Variants in STRBP observed in about 807,000 individuals in gnomAD.
The protein encoded by STRBP is spermatid perinuclear RNA binding protein.
A neutral mutation model predicts 80.1 loss-of-function variants in STRBP; 13 were observed. The ratio of observed to expected loss-of-function variants is 0.16; its 90% CI spans 0.11 to 0.26. STRBP has a LOEUF of 0.26. Ranked by LOEUF, STRBP falls within the 10% of genes least tolerant of loss-of-function variation. STRBP has a pLI of 1.00. For synonymous variants in STRBP, 284 were observed against 291.2 expected (o/e 0.98, Z 0.25); for missense variants, 485 against 815.2 (o/e 0.59, Z 4.93).
At chr9:123,241,446 T>C (rs1294121353) in intron 1 of STRBP, among the ~76,000 whole-genome samples, 2 of 152,074 alleles carry the variant, frequency 1.3e-5, no homozygotes, top group Admixed American at 6.5e-5. Context: ...GAGCTCAAGG[T>C]TGCAGAGAGC....
At chr9:123,135,586 T>G (rs1041982296) in intron 16 of STRBP, among the ~76,000 whole-genome samples, 1 of 152,164 alleles carries the variant, frequency 6.6e-6, no homozygotes, top group Admixed American at 6.5e-5. Flanking sequence ...GCGCCAAATT[T>G]TATGCGGTCG....
chr9:123,134,549 C>T (rs1238419370), intron 16 of STRBP, among the ~76,000 whole-genome samples: 1 of 152,156 alleles, frequency 6.6e-6, no homozygotes, highest in Non-Finnish European at 1.5e-5. Flanking sequence ...GCACATTGAA[C>T]ACATGAGTTT....
At chr9:123,112,051 TCAGAGCA>T (rs374255466) in intron 3 of STRBP, 25 of 176,802 alleles carry the variant, frequency 1.4e-4, no homozygotes, top group African/African-American at 5.6e-4. Flanking sequence ...GCCAGGCTGC[TCAGAGCA>T]CAGCACACCT....
In STRBP at chr9:123,132,892, C is replaced by T; in HGVS notation, c.1850G>A (p.Arg617Lys). 1.2e-6 allele frequency: 2 copies of T among 1,614,130 alleles called. No individual in the cohort carries two copies. The highest frequency in any genetic ancestry group is 1.1e-5 in the South Asian group (1 of 91,074). The change falls in exon 17 of 19, where the codon AGG (arginine) becomes AAG (lysine). Residue 617 changes from arginine (R) to lysine (K), a missense_variant. This residue lies in a region of STRBP where 85 missense variants were observed against 120.1 expected (regional missense o/e 0.71). Transcript: ENST00000348403. Reference sequence around the variant, plus strand: ...AGCTGTCGCCCCAACAAAAGCTCCCCTTGTTAGAGTTCCTCTTCCTCTGCC... The same window carrying T: ...AGCTGTCGCCCCAACAAAAGCTCCCTTTGTTAGAGTTCCTCTTCCTCTGCC... ...VRGRGRGTLT[R>K]GAFVGATAAP...
intron 1 of STRBP, among the ~76,000 whole-genome samples, chr9:123,248,570 G>C (rs559973844): frequency 6.6e-6 from 1 of 151,852 alleles, no homozygotes; most frequent in South Asian, 2.1e-4. Context: ...GCGCCCAGCC[G>C]AATTATTTTT....
chr9:123,247,188 A>C (rs2040816917), intron 1 of STRBP, among the ~76,000 whole-genome samples: 1 of 152,200 alleles, frequency 6.6e-6, no homozygotes, highest in Admixed American at 6.5e-5. Context: ...ACTCCTCTAC[A>C]ATCCAAAAAT....
chr9:123,127,996 C>T (rs993099504), intron 18 of STRBP, among the ~76,000 whole-genome samples: 3 of 152,214 alleles, frequency 2.0e-5, no homozygotes, highest in Non-Finnish European at 2.9e-5. Flanking sequence ...GCAATTAGAA[C>T]AAGCAGTCCT....
intron 6 of STRBP, among the ~76,000 whole-genome samples, chr9:123,162,655 G>A (rs2037571540): frequency 1.4e-5 from 2 of 143,714 alleles, no homozygotes; most frequent in Admixed American, 1.4e-4. Context: ...CTTATTTTCT[G>A]ACCAGGTGAG....
chr9:123,196,036 T>C (rs920454621), intron 2 of STRBP, among the ~76,000 whole-genome samples: 1 of 151,910 alleles, frequency 6.6e-6, no homozygotes, highest in African/African-American at 2.4e-5. Flanking sequence ...CAAAGACCAA[T>C]GGAACATAAT....
chr9:123,120,804 T>G (rs980946988), downstream of STRBP, among the ~76,000 whole-genome samples: 1 of 152,198 alleles, frequency 6.6e-6, no homozygotes, highest in African/African-American at 2.4e-5. Context: ...AGAGTAGGTT[T>G]CAGGCTCTCA....
chr9:123,125,713 T>C (rs2035867967), intron 18 of STRBP, 40 bp from the exon 19 acceptor site: 1 of 1,489,218 alleles, frequency 6.7e-7, no homozygotes, highest in African/African-American at 1.4e-5. Context: ...AAATAAGTTT[T>C]AATACTCCAA....
intron 2 of STRBP, among the ~76,000 whole-genome samples, chr9:123,213,305 G>C (rs558102069): frequency 6.6e-6 from 1 of 152,256 alleles, no homozygotes; most frequent in South Asian, 2.1e-4. Flanking sequence ...GAAGAATCCT[G>C]ACAAAATCTC....
At chr9:123,125,699 C>T (rs2035867051) in intron 18 of STRBP, 26 bp from the exon 19 acceptor site, 1 of 1,571,914 alleles carries the variant, frequency 6.4e-7, no homozygotes, top group African/African-American at 1.4e-5. Context: ...ACGGAGAGGA[C>T]TCCAAATAAG....
At chr9:123,212,871 T>TA (rs1355481117) in intron 2 of STRBP, among the ~76,000 whole-genome samples, 1 of 152,168 alleles carries the variant, frequency 6.6e-6, no homozygotes, top group Non-Finnish European at 1.5e-5. Flanking sequence ...ATTTCACAGA[T>TA]AAAAGGGCCA....
chr9:123,188,036 C>A (rs1321086918), intron 2 of STRBP, among the ~76,000 whole-genome samples: 1 of 152,040 alleles, frequency 6.6e-6, no homozygotes. Flanking sequence ...ACCTTCCCCA[C>A]CCCCAAGCCC....
chr9:123,235,204 G>A (rs910408998), intron 2 of STRBP, among the ~76,000 whole-genome samples: 1 of 151,858 alleles, frequency 6.6e-6, no homozygotes, highest in African/African-American at 2.4e-5. Context: ...CTTGTCTGTG[G>A]TAGAAGGCCA....
At chr9:123,237,237 AC>A (rs2040588349) in intron 1 of STRBP, among the ~76,000 whole-genome samples, 1 of 152,214 alleles carries the variant, frequency 6.6e-6, no homozygotes, top group African/African-American at 2.4e-5. Context: ...CTACAGTGTT[AC>A]AGCTGCGGCA....
At chr9:123,194,611 C>T (rs1588080103) in intron 2 of STRBP, among the ~76,000 whole-genome samples, 1 of 152,102 alleles carries the variant, frequency 6.6e-6, no homozygotes, top group South Asian at 2.1e-4. Context: ...GTTTTTATTT[C>T]CTCTCCTTCC....
At chr9:123,120,240 C>T (rs921891696), downstream of STRBP, among the ~76,000 whole-genome samples, 3 of 151,852 alleles carry the variant, frequency 2.0e-5, no homozygotes, top group African/African-American at 4.8e-5. Flanking sequence ...CTAATAACAC[C>T]GAGAAACCTG....
Sources: allele counts gnomAD v4.1 joint callset (sites outside exome capture counted in the v4.1 genomes callset), GRCh38; gene constraint gnomAD v4.1.1; regional missense constraint gnomAD v4.1.1; transcripts MANE v1.5; gene names NCBI Gene and HGNC (gene_info 2026-07-23, HGNC 2026-07-21).